The following ZDHHC17 variants were observed in gnomAD, a reference collection of about 807,000 sequenced individuals.
ZDHHC17 encodes the protein zDHHC palmitoyltransferase 17, also known as palmitoyltransferase ZDHHC17.
Under a neutral mutation model 90.3 loss-of-function variants are expected in ZDHHC17, and 40 were observed. The observed-to-expected ratio is 0.44, with a 90% CI of 0.34 to 0.58. ZDHHC17 has a LOEUF of 0.58. Among genes scored for constraint, ZDHHC17 ranks in the 20% least tolerant of loss-of-function variants. The pLI is 0.01. For synonymous variants in ZDHHC17, 235 were observed against 252.4 expected, an observed-to-expected ratio of 0.93 and a Z score of 0.65; for missense variants, 614 against 780.8, an observed-to-expected ratio of 0.79 and a Z score of 2.55.
chr12:76,822,654 A>C (rs1374458507), intron 8 of ZDHHC17, 123 bp downstream of exon 8: 1 of 742,698 alleles, frequency 1.3e-6, no homozygotes, highest in Admixed American at 2.9e-5. Flanking sequence ...TCTCGGTTTA[A>C]AGTGATTCTT....
chr12:76,822,526 G>C lies in ZDHHC17; in HGVS notation c.892G>C (p.Asp298His). The C allele has an allele frequency of 6.4e-7, 1 of 1,553,776 alleles. No homozygotes were observed. The highest frequency in any genetic ancestry group is 1.2e-5 in the South Asian group (1 of 86,762). ...NPSFLRKLKA[D>H]KEFRQKVMLG... The stretch of plus-strand genomic sequence containing the variant: ...GTCCTTCCTTAGAAAGCTGAAAGCT[G>C]ATAAGGTAAACTCATAACTGAAGAT... The change falls in exon 8 of 17, where the codon GAT (aspartate) becomes CAT (histidine). Residue 298 changes from aspartate (D) to histidine (H), a missense_variant. By Grantham distance (81) the Asp-to-His change is moderately conservative (BLOSUM62 -1). This residue lies in a region of ZDHHC17 where 358 missense variants were observed against 380.4 expected (regional missense o/e 0.94). Coordinates refer to ENST00000426126, the MANE Select transcript of ZDHHC17 (RefSeq NM_015336.4).
chr12:76,770,951 A>C (rs142367951), intron 1 of ZDHHC17, among the ~76,000 whole-genome samples: 1 of 150,078 alleles, frequency 6.7e-6, no homozygotes, highest in East Asian at 1.9e-4. Context: ...AAAAAAATGC[A>C]GTTTGCTTTT....
chr12:76,849,379 T>C lies in ZDHHC17; in HGVS notation c.1669T>C (p.Ser557Pro). The C allele has an allele frequency of 6.9e-7, 1 of 1,441,388 alleles. No individual in the cohort carries two copies. Among genetic ancestry groups the C allele is most frequent in the Non-Finnish European group, 9.3e-7 (1 of 1,069,928 alleles). The allele number at this position is 1,441,388 out of a possible 1,614,324, so 89.3% of individuals were successfully genotyped here. The change falls in exon 16 of 17, where the codon TCA (serine) becomes CCA (proline). Residue 557 changes from serine to proline, a missense_variant. By Grantham distance (74) the Ser-to-Pro change is moderately conservative. Coordinates refer to ENST00000426126, the MANE Select transcript of ZDHHC17 (RefSeq NM_015336.4). ...TTTGCTTTTTCTTTCCTCTTAGATA[T>C]CATGTTTAGGTATTACTACAAATGA... is the stretch of plus-strand genomic sequence containing the variant. ...VLLMCQMYQI[S>P]CLGITTNERM...
At position 76,790,331 on chromosome 12, in the gene ZDHHC17, G is replaced by A. The variant is rs182121853; in HGVS notation, c.94-7103G>A. Reference sequence around the variant, plus strand: ...AGCCTGGCCAACATGGTGAAACCCCGTCTCTACTAAAAATACAAAAATTAG... The same window carrying A: ...AGCCTGGCCAACATGGTGAAACCCCATCTCTACTAAAAATACAAAAATTAG... On this transcript the variant is annotated intron_variant, in intron 1 of 16. Transcript: ENST00000426126. Among the ~76,000 whole-genome samples, 1,021 of 151,988 alleles carry A rather than the reference G, an allele frequency of 6.7e-3. 8 individuals carry two copies. The highest frequency in any genetic ancestry group is 0.023 in the African/African-American group (956 of 41,460).
rs1210974594 is a variant in ZDHHC17, at chr12:76,847,536, C to T, written c.1508-697C>T. Reference sequence around the variant, plus strand: ...GCAGTATTTTATAGCAACTCTCCTACAGCAGGAGATTTTGTATTAGGAAAG... The same window carrying T: ...GCAGTATTTTATAGCAACTCTCCTATAGCAGGAGATTTTGTATTAGGAAAG... On this transcript the variant is annotated intron_variant, in intron 14 of 16. Coordinates refer to ENST00000426126, the MANE Select transcript of ZDHHC17 (RefSeq NM_015336.4). Among the ~76,000 whole-genome samples the T allele has an allele frequency of 3.9e-5, 6 of 152,312 alleles. No individual in the cohort carries two copies. The East Asian group carries it at 1.2e-3, about 29-fold the overall frequency.
intron 10 of ZDHHC17, among the ~76,000 whole-genome samples, chr12:76,832,781 A>G (rs772034374): frequency 1.3e-5 from 2 of 152,226 alleles, no homozygotes; most frequent in Non-Finnish European, 2.9e-5. Context: ...CAAAAGCACA[A>G]CAGCGTGGCC....
At chr12:76,850,196 G>A (rs908551434) in intron 16 of ZDHHC17, among the ~76,000 whole-genome samples, 4 of 152,030 alleles carry the variant, frequency 2.6e-5, no homozygotes, top group East Asian at 1.9e-4. Flanking sequence ...ATTACTTACC[G>A]ACGTGAACCA....
In ZDHHC17 at chr12:76,815,202, A is replaced by G; in HGVS notation, c.600A>G (p.Arg200=). 1 of 1,563,180 alleles carries G rather than the reference A, an allele frequency of 6.4e-7. No homozygotes were observed. Among genetic ancestry groups the G allele is most frequent in the Non-Finnish European group, 8.7e-7 (1 of 1,151,462 alleles). ...GMTPLMWAAY[R]THSVDPTRLL... ...CGCCTTTAATGTGGGCAGCATATAGAACACATAGGTATGTAATGACTATAA... is the reference window on the plus strand; with the variant it reads ...CGCCTTTAATGTGGGCAGCATATAGGACACATAGGTATGTAATGACTATAA... The change falls in exon 6 of 17, where the codon AGA becomes AGG. Residue 200 remains arginine, a synonymous_variant. Coordinates refer to ENST00000426126, the MANE Select transcript of ZDHHC17 (RefSeq NM_015336.4).
chr12:76,848,172 G>A, intron 14 of ZDHHC17, 61 bp from the exon 15 acceptor site: 2 of 1,569,456 alleles, frequency 1.3e-6, no homozygotes, highest in South Asian at 2.3e-5. Context: ...CAGCACAAAT[G>A]CCTATATGAG....
At chr12:76,776,289 T>G (rs1451136456) in intron 1 of ZDHHC17, among the ~76,000 whole-genome samples, 1 of 152,132 alleles carries the variant, frequency 6.6e-6, no homozygotes, top group African/African-American at 2.4e-5. Context: ...TTTTTTAGCC[T>G]TAATGGTGAC....
chr12:76,814,166 TAA>T (rs1334842289), intron 5 of ZDHHC17, among the ~76,000 whole-genome samples: 1 of 151,974 alleles, frequency 6.6e-6, no homozygotes, highest in East Asian at 1.9e-4. Context: ...TTGAAACTGA[TAA>T]GAGTCCCTGA....
At chr12:76,796,035 A>G (rs1035501620) in intron 1 of ZDHHC17, among the ~76,000 whole-genome samples, 12 of 152,164 alleles carry the variant, frequency 7.9e-5, no homozygotes, top group African/African-American at 2.4e-4. Flanking sequence ...ATTCCTTTTC[A>G]TTGAAAATAT....
At chr12:76,771,166 C>T (rs1952487639) in intron 1 of ZDHHC17, among the ~76,000 whole-genome samples, 1 of 151,808 alleles carries the variant, frequency 6.6e-6, no homozygotes, top group East Asian at 1.9e-4. Context: ...TTATAAAATA[C>T]ATAAAATTTG....
rs1378300984 is a variant in ZDHHC17, at chr12:76,815,831, TTG to T, written c.609-24_609-23del. On this transcript the variant is annotated intron_variant, in intron 6 of 16. Transcript: ENST00000426126. ...TTGAAATTAGGGTTGTTGTTGTTGT[TTG>T]TTTTTTTTTTTTTTCCTTTTCAGTG... 2.7e-6 allele frequency: 4 copies of T among 1,468,706 alleles called. No individual in the cohort carries two copies. In the East Asian group the frequency reaches 7.4e-5, roughly 27 times the overall value. The allele number at this position is 1,468,706 out of a possible 1,614,324, so 91.0% of individuals were successfully genotyped here.
chr12:76,828,568 A>T (rs1953259149), intron 10 of ZDHHC17, 78 bp downstream of exon 10: 3 of 1,238,676 alleles, frequency 2.4e-6, no homozygotes, highest in Non-Finnish European at 3.5e-6. Flanking sequence ...ATTTGACATT[A>T]GGACTGATCT....
intron 5 of ZDHHC17, among the ~76,000 whole-genome samples, chr12:76,811,273 G>A (rs1358764100): frequency 3.3e-5 from 5 of 152,162 alleles, no homozygotes; most frequent in African/African-American, 1.2e-4. Context: ...TTATTCTGCA[G>A]TTTTTTTCTA....
At chr12:76,827,105 G>A in intron 9 of ZDHHC17, 55 bp downstream of exon 9, 1 of 1,473,340 alleles carries the variant, frequency 6.8e-7, no homozygotes. Flanking sequence ...AATATAATTT[G>A]TACTCTTGTA....
At chr12:76,841,942 C>G in intron 10 of ZDHHC17, 40 bp from the exon 11 acceptor site, 2 of 1,382,436 alleles carry the variant, frequency 1.4e-6, no homozygotes, top group Non-Finnish European at 1.9e-6. Flanking sequence ...AATAGTAATT[C>G]ATTTATCATT....
In ZDHHC17 at chr12:76,809,759, G is replaced by T; in HGVS notation, c.445G>T (p.Asp149Tyr). Residue 149 changes from aspartate (D) to tyrosine (Y), a missense_variant, in exon 5 of 17, where the codon GAT (aspartate) becomes TAT (tyrosine). Around this residue, in one of 5 missense-constraint regions of ZDHHC17, gnomAD observed 358 missense variants for 380.4 expected, o/e 0.94. Transcript: ENST00000426126. ...MVVQLMKYGA[D>Y]PSLIDGEGCS... Reference sequence around the variant, plus strand: ...TGTGCAACTAATGAAATATGGTGCAGATCCTTCATTAATTGATGGAGAAGG... The same window carrying T: ...TGTGCAACTAATGAAATATGGTGCATATCCTTCATTAATTGATGGAGAAGG... 1 of 1,599,576 alleles carries T rather than the reference G, an allele frequency of 6.3e-7. No individual in the cohort carries two copies. Among genetic ancestry groups the T allele is most frequent in the Non-Finnish European group, 8.5e-7 (1 of 1,173,416 alleles).
Sources: allele counts gnomAD v4.1 joint callset (sites outside exome capture counted in the v4.1 genomes callset), GRCh38; gene constraint gnomAD v4.1.1; regional missense constraint gnomAD v4.1.1; transcripts MANE v1.5; gene names NCBI Gene and HGNC (gene_info 2026-07-23, HGNC 2026-07-21).